INSC: variants seen among roughly 807,000 people sequenced by gnomAD.
INSC encodes the protein INSC spindle orientation adaptor protein.
In INSC, 67 loss-of-function variants were observed where a neutral mutation model predicts 58.6. The ratio of observed to expected loss-of-function variants is 1.14; its 90% CI spans 0.94 to 1.40. INSC has a LOEUF of 1.40. Ranked by LOEUF, INSC falls within the 40% of genes most tolerant of loss-of-function variation. The pLI is 0.00. For missense variants in INSC, 714 were observed against 692.0 expected (o/e 1.03, Z -0.36); for synonymous variants, 262 against 276.1 (o/e 0.95, Z 0.51).
At chr11:15,163,231 C>T (rs1190089002) in intron 2 of INSC, among the ~76,000 whole-genome samples, 1 of 152,160 alleles carries the variant, frequency 6.6e-6, no homozygotes, top group Non-Finnish European at 1.5e-5. Flanking sequence ...CTCTCAGAAT[C>T]TGATGATAGT....
rs776892101 is a variant in INSC, at chr11:15,149,240, A to G, written c.56+10A>G. On this transcript the variant is annotated intron_variant, in intron 2 of 12. Coordinates refer to ENST00000379556, the MANE Select transcript of INSC (RefSeq NM_001042536.3). ...CCCTGCCGGGTCAGCGGTAAGTCCT[A>G]CAGCTGTCACTCCAGGCCAGGCCTG... 1 of 1,579,502 alleles carries G rather than the reference A, an allele frequency of 6.3e-7. No individual in the cohort carries two copies. The highest frequency in any genetic ancestry group is 1.2e-5 in the South Asian group (1 of 85,438).
At position 15,229,961 on chromosome 11, in the gene INSC, TATATATATATATATATATTA is replaced by T. The variant is rs1564916910; in HGVS notation, c.1170+4134_1170+4153del. Among the ~76,000 whole-genome samples the T allele has an allele frequency of 3.6e-4, 12 of 33,188 alleles. 1 individual carries two copies. The highest frequency in any genetic ancestry group is 2.6e-3 in the East Asian group (3 of 1,176). The allele number at this position is 33,188 out of a possible 152,430, so 21.8% of individuals were successfully genotyped here. ...ATATATATAATATTATATATATATTTATATATATATATATATATTATATATATATATATATATATATATAT... is the reference window on the plus strand; with the variant it reads ...ATATATATAATATTATATATATATTTTATATATATATATATATATATATAT... On this transcript the variant is annotated intron_variant, in intron 9 of 12. Coordinates refer to ENST00000379556, the MANE Select transcript of INSC (RefSeq NM_001042536.3).
At chr11:15,218,160 G>C (rs1242998823) in intron 7 of INSC, among the ~76,000 whole-genome samples, 1 of 152,108 alleles carries the variant, frequency 6.6e-6, no homozygotes, top group African/African-American at 2.4e-5. Flanking sequence ...ATGCATAAAT[G>C]AATTGAAATT....
chr11:15,156,324 T>C (rs1204382728), intron 2 of INSC, among the ~76,000 whole-genome samples: 1 of 152,232 alleles, frequency 6.6e-6, no homozygotes, highest in Non-Finnish European at 1.5e-5. Flanking sequence ...CTAAGGGCAG[T>C]CTTGCATAGC....
At chr11:15,158,783 T>A (rs558556771) in intron 2 of INSC, among the ~76,000 whole-genome samples, 1 of 151,826 alleles carries the variant, frequency 6.6e-6, no homozygotes, top group South Asian at 2.1e-4. Context: ...TAGAGAGGGC[T>A]TGGACACTGC....
Position 15,135,359 on chromosome 11 carries a change from G to A in INSC, c.-45-13771G>A, listed in dbSNP as rs865795631. Among the ~76,000 whole-genome samples the A allele has an allele frequency of 6.6e-5, 10 of 152,320 alleles. No individual in the cohort carries two copies. The South Asian group carries it at 1.7e-3, about 25-fold the overall frequency. ...CCATTCTGTGCCCCAGATAGATGTGGATCATGTGGCCCATGTACCTTATAC... is the reference window on the plus strand; with the variant it reads ...CCATTCTGTGCCCCAGATAGATGTGAATCATGTGGCCCATGTACCTTATAC... On this transcript the variant is annotated intron_variant, in intron 1 of 12. Coordinates refer to ENST00000379556, the MANE Select transcript of INSC (RefSeq NM_001042536.3).
chr11:15,178,673 A>T (rs138589256), intron 5 of INSC, among the ~76,000 whole-genome samples: 2 of 152,312 alleles, frequency 1.3e-5, no homozygotes, highest in Non-Finnish European at 2.9e-5. Context: ...CCAGATGTGA[A>T]AACTGGAGCC....
intron 3 of INSC, 119 bp downstream of exon 3, chr11:15,176,205 C>T (rs1849569813): frequency 1.3e-6 from 1 of 788,144 alleles, no homozygotes; most frequent in African/African-American, 1.7e-5. Context: ...TCTCCCCTTC[C>T]AGTAAAGGAG....
chr11:15,204,582 G>A (rs1850721795), intron 7 of INSC, among the ~76,000 whole-genome samples: 1 of 152,218 alleles, frequency 6.6e-6, no homozygotes, highest in African/African-American at 2.4e-5. Context: ...GTTGGCCATT[G>A]TCAGTGTTGA....
In INSC at chr11:15,225,695, C is replaced by G. The variant is rs765198125; in HGVS notation, c.1037C>G (p.Ser346Cys). The G allele has an allele frequency of 6.2e-7, 1 of 1,614,224 alleles. No homozygotes were observed. Among genetic ancestry groups the G allele is most frequent in the South Asian group, 1.1e-5 (1 of 91,080 alleles). Reference sequence around the variant, plus strand: ...TCAGGGGAAGTCTTCCTACTGGCCTCTGCGGCCCTTGCCAACATCACGTTC... The same window carrying G: ...TCAGGGGAAGTCTTCCTACTGGCCTGTGCGGCCCTTGCCAACATCACGTTC... ...ASSGEVFLLA[S>C]AALANITFFD... The change falls in exon 9 of 13, where the codon TCT becomes TGT. Residue 346 changes from serine (S) to cysteine (C), a missense_variant. Coordinates refer to ENST00000379556, the MANE Select transcript of INSC (RefSeq NM_001042536.3).
At chr11:15,159,160 T>C (rs1848927457) in intron 2 of INSC, among the ~76,000 whole-genome samples, 1 of 152,032 alleles carries the variant, frequency 6.6e-6, no homozygotes, top group South Asian at 2.1e-4. Context: ...CAACTGAAAA[T>C]AGAGAATCCT....
At chr11:15,112,654 G>C (rs1276935622), upstream of INSC, 3 of 313,018 alleles carry the variant, frequency 9.6e-6, no homozygotes, top group Non-Finnish European at 1.7e-5. Flanking sequence ...AAGTGGGGGG[G>C]GGGCATTTAT....
At chr11:15,201,775 A>G (rs555211600) in intron 7 of INSC, among the ~76,000 whole-genome samples, 9 of 152,166 alleles carry the variant, frequency 5.9e-5, no homozygotes, top group African/African-American at 2.2e-4. Flanking sequence ...TCCTGCTACT[A>G]TGGTGGTACC....
chr11:15,259,674 C>T, the INSC span, among the ~76,000 whole-genome samples: 2 of 152,224 alleles, frequency 1.3e-5, no homozygotes, highest in Non-Finnish European at 2.9e-5. Flanking sequence ...AATTTCATTC[C>T]AAGATATTGT....
intron 2 of INSC, among the ~76,000 whole-genome samples, chr11:15,173,777 C>A (rs1403918757): frequency 6.6e-6 from 1 of 152,080 alleles, no homozygotes; most frequent in Admixed American, 6.5e-5. Context: ...ATCATATGTT[C>A]AATTTCATAA....
At chr11:15,163,955 C>G (rs553566780) in intron 2 of INSC, among the ~76,000 whole-genome samples, 11 of 152,126 alleles carry the variant, frequency 7.2e-5, no homozygotes, top group Non-Finnish European at 1.6e-4. Context: ...ATTTTAAAGG[C>G]ATTATCTTAT....
chr11:15,120,301 C>T (rs367658496), intron 1 of INSC, among the ~76,000 whole-genome samples: 3 of 152,234 alleles, frequency 2.0e-5, no homozygotes, highest in South Asian at 4.2e-4. Flanking sequence ...AGGAATATCC[C>T]GGGCTTCAAG....
chr11:15,235,504 A>T, intron 9 of INSC, 98 bp from the exon 10 acceptor site: 3 of 906,128 alleles, frequency 3.3e-6, no homozygotes, highest in Non-Finnish European at 5.6e-6. Context: ...GTCACGGGAT[A>T]AAAGGAAGCT....
chr11:15,235,513 C>G, intron 9 of INSC, 89 bp from the exon 10 acceptor site: 1 of 982,724 alleles, frequency 1.0e-6, no homozygotes, highest in South Asian at 1.3e-5. Context: ...TAAAAGGAAG[C>G]TTTGTAGCCC....
Sources: gnomAD v4.1 joint callset for allele counts (sites outside exome capture counted in the v4.1 genomes callset) on GRCh38, gnomAD v4.1.1 for gene constraint, MANE v1.5 for transcripts, NCBI Gene and HGNC (gene_info 2026-07-23, HGNC 2026-07-21) for gene names.